ZBTB20: variants seen among roughly 807,000 people sequenced by gnomAD.
ZBTB20 encodes the protein zinc finger and BTB domain-containing protein 20.
A neutral mutation model predicts 56.9 loss-of-function variants in ZBTB20; 9 were observed. The ratio of observed to expected loss-of-function variants is 0.16; its 90% CI spans 0.10 to 0.28. The LOEUF (loss-of-function observed/expected upper bound fraction) is 0.28, where lower values mean the gene tolerates loss of function less well. Among genes scored for constraint, ZBTB20 ranks in the 10% least tolerant of loss-of-function variants. The pLI, the probability that ZBTB20 is intolerant of heterozygous loss-of-function variation, is 1.00. For synonymous variants in ZBTB20, 417 were observed against 420.7 expected (o/e 0.99, Z 0.11); for missense variants, 655 against 1,003.0 (o/e 0.65, Z 4.69).
chr3:114,942,758 C>T (rs759176348), intron 3 of ZBTB20, among the ~76,000 whole-genome samples: 6 of 145,952 alleles, frequency 4.1e-5, no homozygotes, highest in African/African-American at 8.4e-5. Context: ...TTGTTTATTA[C>T]TTTTCAAATT....
chr3:114,784,478 T>A (rs2070346218), intron 5 of ZBTB20, among the ~76,000 whole-genome samples: 1 of 152,182 alleles, frequency 6.6e-6, no homozygotes, highest in Non-Finnish European at 1.5e-5. Flanking sequence ...ATAAAAGAAT[T>A]GTAATCAGTT....
chr3:114,872,741 T>C (rs2076058123), intron 4 of ZBTB20, among the ~76,000 whole-genome samples: 1 of 152,092 alleles, frequency 6.6e-6, no homozygotes, highest in African/African-American at 2.4e-5. Context: ...TGGTTGGTTA[T>C]GACTTGCTCA....
At chr3:114,833,224 C>T (rs1164609353) in intron 4 of ZBTB20, among the ~76,000 whole-genome samples, 2 of 151,952 alleles carry the variant, frequency 1.3e-5, no homozygotes, top group East Asian at 1.9e-4. Context: ...CTCAGGTTGC[C>T]GAATACTAAC....
At position 114,985,617 on chromosome 3, in the gene ZBTB20, C is replaced by T. The variant is rs77971968; in HGVS notation, c.-506-11201G>A. Among the ~76,000 whole-genome samples, 1,201 of 152,100 alleles carry T rather than the reference C, an allele frequency of 7.9e-3. 18 individuals are homozygous for T. Among genetic ancestry groups the T allele is most frequent in the African/African-American group, 0.027 (1,106 of 41,502 alleles). ...TGGAACTGAATGAAAGTAGTTACAA[C>T]GACACATACCCAATTTGGGACCTTT... On this transcript the variant is annotated intron_variant, in intron 2 of 11. Coordinates refer to ENST00000675478, the MANE Select transcript of ZBTB20 (RefSeq NM_001348800.3).
intron 2 of ZBTB20, among the ~76,000 whole-genome samples, chr3:115,036,842 T>C (rs892771285): frequency 2.0e-5 from 3 of 151,986 alleles, no homozygotes; most frequent in Non-Finnish European, 4.4e-5. Flanking sequence ...GACTGAAAAA[T>C]ATATATATCC....
intron 4 of ZBTB20, among the ~76,000 whole-genome samples, chr3:114,840,682 C>T (rs1205269817): frequency 2.0e-5 from 3 of 152,134 alleles, no homozygotes; most frequent in African/African-American, 7.2e-5. Flanking sequence ...ATTTCTAGGA[C>T]AGAGTAGTCA....
chr3:115,052,351 G>T (rs1435933450), intron 2 of ZBTB20, among the ~76,000 whole-genome samples: 1 of 151,936 alleles, frequency 6.6e-6, no homozygotes, highest in Non-Finnish European at 1.5e-5. Context: ...CAGCTACTCG[G>T]GAGGCTGAGG....
intron 1 of ZBTB20, among the ~76,000 whole-genome samples, chr3:115,078,357 A>G (rs1331991268): frequency 6.6e-6 from 1 of 152,110 alleles, no homozygotes; most frequent in Non-Finnish European, 1.5e-5. Flanking sequence ...CATAAACTAT[A>G]TATAAAGTGT....
chr3:114,384,066 T>C (rs1477662299), intron 8 of ZBTB20, among the ~76,000 whole-genome samples: 1 of 151,070 alleles, frequency 6.6e-6, no homozygotes, highest in Non-Finnish European at 1.5e-5. Flanking sequence ...TTTGCCAGGC[T>C]CTGGCCTCTC....
At chr3:114,786,528 C>G (rs1307579106) in intron 5 of ZBTB20, among the ~76,000 whole-genome samples, 2 of 151,824 alleles carry the variant, frequency 1.3e-5, no homozygotes, top group East Asian at 1.9e-4. Flanking sequence ...AATATACTGT[C>G]ATAGGAAAAA....
intron 5 of ZBTB20, among the ~76,000 whole-genome samples, chr3:114,696,919 G>A (rs1040129898): frequency 1.3e-5 from 2 of 152,022 alleles, no homozygotes; most frequent in Admixed American, 6.6e-5. Flanking sequence ...AGCTCTAAAT[G>A]AGAATTACAG....
chr3:114,390,602 G>A (rs2085759381), intron 7 of ZBTB20, among the ~76,000 whole-genome samples: 1 of 152,106 alleles, frequency 6.6e-6, no homozygotes, highest in Non-Finnish European at 1.5e-5. Flanking sequence ...CTCAGGCTTT[G>A]TCTACCCCAG....
rs528230163 is a variant in ZBTB20, at chr3:114,928,849, C to T, written c.-455-28507G>A. Among the ~76,000 whole-genome samples the T allele has an allele frequency of 2.0e-5, 3 of 152,314 alleles. No individual in the cohort carries two copies. In the East Asian group the frequency reaches 5.8e-4, roughly 29 times the overall value. ...TAGATCTATCTTCTTATAAAAACTT[C>T]CACTTAGAAACAAAGAAATAAACAA... On this transcript the variant is annotated intron_variant, in intron 3 of 11. Transcript: ENST00000675478.
At chr3:114,908,392 G>A (rs1285640455) in intron 3 of ZBTB20, among the ~76,000 whole-genome samples, 1 of 151,964 alleles carries the variant, frequency 6.6e-6, no homozygotes, top group Admixed American at 6.6e-5. Context: ...CCTCCCAGGG[G>A]AATTATCCAG....
chr3:114,701,791 C>T lies in ZBTB20; in HGVS notation c.-342-8216G>A, dbSNP rs2063401970. Among the ~76,000 whole-genome samples, 5 of 152,232 alleles carry T rather than the reference C, an allele frequency of 3.3e-5. No homozygotes were observed. The South Asian group carries it at 1.0e-3, about 32-fold the overall frequency. On this transcript the variant is annotated intron_variant, in intron 5 of 11. Coordinates refer to ENST00000675478, the MANE Select transcript of ZBTB20 (RefSeq NM_001348800.3). The stretch of plus-strand genomic sequence containing the variant: ...TCCATGCCAATGATGAGAGCTACCT[C>T]ATGCTCCAAGTAGGAGGTAGAAAGG...
chr3:114,854,781 A>C (rs1439383549), intron 4 of ZBTB20, among the ~76,000 whole-genome samples: 1 of 152,174 alleles, frequency 6.6e-6, no homozygotes, highest in Non-Finnish European at 1.5e-5. Context: ...CTGTGTTTTT[A>C]ATTGAAGCTT....
At chr3:114,980,789 A>G (rs921483264) in intron 2 of ZBTB20, among the ~76,000 whole-genome samples, 1 of 152,020 alleles carries the variant, frequency 6.6e-6, no homozygotes, top group African/African-American at 2.4e-5. Context: ...AGACTGGACT[A>G]TTTTCACCAG....
At chr3:114,529,939 TA>T (rs2047654191) in intron 6 of ZBTB20, among the ~76,000 whole-genome samples, 2 of 152,260 alleles carry the variant, frequency 1.3e-5, no homozygotes, top group Non-Finnish European at 2.9e-5. Context: ...TTTTCACAAT[TA>T]TGTGAAAACA....
rs1014056280 is a variant in ZBTB20, at chr3:114,315,083, A to G, written c.*23922T>C. 6.6e-6 allele frequency: 1 copy of G among 152,174 alleles called. No homozygotes were observed. The highest frequency in any genetic ancestry group is 1.5e-5 in the Non-Finnish European group (1 of 68,028). The allele number at this position is 152,174 out of a possible 1,614,324, so 9.4% of individuals were successfully genotyped here. Reference sequence around the variant, plus strand: ...CAACAATTTAAGAGTATAATGAGAAAAAAAAAGGAACAAACTCCCTCTCAA... The same window carrying G: ...CAACAATTTAAGAGTATAATGAGAAGAAAAAAGGAACAAACTCCCTCTCAA... On this transcript the variant is annotated 3_prime_UTR_variant, in exon 12 of 12. Transcript: ENST00000675478.
Sources: gnomAD v4.1 joint callset for allele counts (sites outside exome capture counted in the v4.1 genomes callset) on GRCh38, gnomAD v4.1.1 for gene constraint, MANE v1.5 for transcripts, NCBI Gene and HGNC (gene_info 2026-07-23, HGNC 2026-07-21) for gene names.